DCP2: variants seen among roughly 807,000 people sequenced by gnomAD.
The protein encoded by DCP2 is m7GpppN-mRNA hydrolase.
DCP2 carries 30 observed loss-of-function variants against 56.1 expected under a neutral mutation model. That is an observed-to-expected ratio of 0.53 (90% CI 0.40 to 0.73). The LOEUF (loss-of-function observed/expected upper bound fraction) is 0.73. Among genes scored for constraint, DCP2 ranks in the 30% least tolerant of loss-of-function variants. The pLI is 0.00. For synonymous variants in DCP2, 197 were observed against 163.3 expected (o/e 1.21, Z -1.57); for missense variants, 533 against 502.7 (o/e 1.06, Z -0.58).
At position 113,001,086 on chromosome 5, in the gene DCP2, C is replaced by G; in HGVS notation, c.435C>G (p.Val145=). 1 of 1,596,198 alleles carries G rather than the reference C, an allele frequency of 6.3e-7. No homozygotes were observed. The highest frequency in any genetic ancestry group is 8.5e-7 in the Non-Finnish European group (1 of 1,172,538). ...EAPHDCAARE[V]FEETGFDIKD... Reference sequence around the variant, plus strand: ...TCATCCAAATTTGTTGTTTCCAGGTCTTTGAAGAAACTGGTTTTGATATCA... The same window carrying G: ...TCATCCAAATTTGTTGTTTCCAGGTGTTTGAAGAAACTGGTTTTGATATCA... Residue 145 remains valine (V), a splice_region_variant and synonymous_variant, in exon 5 of 11, where the codon GTC becomes GTG. Transcript: ENST00000389063.
chr5:112,991,008 A>T (rs942711285), intron 2 of DCP2, among the ~76,000 whole-genome samples: 7 of 152,080 alleles, frequency 4.6e-5, no homozygotes, highest in African/African-American at 7.2e-5. Context: ...GTTATGAAAC[A>T]TTCCTTTCTA....
chr5:112,995,432 AT>A (rs1294153432), intron 4 of DCP2, among the ~76,000 whole-genome samples: 1 of 152,200 alleles, frequency 6.6e-6, no homozygotes, highest in African/African-American at 2.4e-5. Context: ...AGAGGAATTG[AT>A]TGTAGCTCTG....
chr5:113,005,651 G>A (rs1561701954), intron 8 of DCP2, among the ~76,000 whole-genome samples: 1 of 152,106 alleles, frequency 6.6e-6, no homozygotes, highest in African/African-American at 2.4e-5. Context: ...TCCATTCCTA[G>A]GTAATATCCA....
In DCP2 at chr5:112,989,090, C is replaced by T. The variant is rs74996628; in HGVS notation, c.206-3031C>T. ...CCTTATGCAGTGAAGAGAGTAGACT[C>T]AGTATCTTCAAGAAGATGAGAAAAG... On this transcript the variant is annotated intron_variant, in intron 2 of 10. Coordinates refer to ENST00000389063, the MANE Select transcript of DCP2 (RefSeq NM_152624.6). 7.6e-3 allele frequency among the ~76,000 whole-genome samples: 1,150 copies of T among 152,240 alleles called. 11 individuals are homozygous for T. The highest frequency in any genetic ancestry group is 0.027 in the African/African-American group (1,113 of 41,522).
At chr5:112,992,330 T>A in intron 3 of DCP2, 82 bp downstream of exon 3, 1 of 1,501,782 alleles carries the variant, frequency 6.7e-7, no homozygotes, top group Non-Finnish European at 8.9e-7. Context: ...GTAGTGTTTC[T>A]AAATTGAGGT....
chr5:112,985,949 A>C lies in DCP2; in HGVS notation c.168A>C (p.Gly56=). Residue 56 remains glycine (G), a synonymous_variant, in exon 2 of 11, where the codon GGA becomes GGC. Transcript: ENST00000389063. ...ATTTCTACATGCAGAACACACCAGG[A>C]TTACCTCAGTGTGGGATAAGAGACT... is the stretch of plus-strand genomic sequence containing the variant. The part of the protein sequence containing the change: ...YLDFYMQNTP[G]LPQCGIRDFA... 1 of 1,592,858 alleles carries C rather than the reference A, an allele frequency of 6.3e-7. No individual in the cohort carries two copies. Among genetic ancestry groups the C allele is most frequent in the Non-Finnish European group, 8.6e-7 (1 of 1,163,888 alleles).
chr5:113,000,424 A>ACACACC (rs1408266617), intron 4 of DCP2, among the ~76,000 whole-genome samples: 2 of 137,440 alleles, frequency 1.5e-5, no homozygotes, highest in African/African-American at 5.3e-5. Flanking sequence ...ACACACACAC[A>ACACACC]CCCACACACC....
At chr5:112,984,703 A>AAAAAATATAT in intron 1 of DCP2, 32 of 64,846 alleles carry the variant, frequency 4.9e-4, no homozygotes, top group African/African-American at 2.5e-3. Context: ...AAAAAAAAAA[A>AAAAAATATAT]ATATATATAT....
intron 1 of DCP2, among the ~76,000 whole-genome samples, chr5:112,985,086 A>G (rs997896011): frequency 6.6e-6 from 1 of 152,152 alleles, no homozygotes; most frequent in African/African-American, 2.4e-5. Flanking sequence ...AGGATTACCA[A>G]AAATGCTTAA....
At chr5:113,004,984 G>C (rs1749350457) in intron 8 of DCP2, among the ~76,000 whole-genome samples, 1 of 151,946 alleles carries the variant, frequency 6.6e-6, no homozygotes, top group Non-Finnish European at 1.5e-5. Context: ...AATTAGCTGG[G>C]CGTGGTGGCG....
At chr5:112,982,189 A>G (rs1300724554) in intron 1 of DCP2, among the ~76,000 whole-genome samples, 1 of 132,940 alleles carries the variant, frequency 7.5e-6, no homozygotes, top group Non-Finnish European at 1.5e-5. Context: ...ACTCCTCTCT[A>G]ATATGTCCAA....
At chr5:112,987,194 A>G (rs996781478) in intron 2 of DCP2, among the ~76,000 whole-genome samples, 2 of 152,076 alleles carry the variant, frequency 1.3e-5, no homozygotes, top group Non-Finnish European at 2.9e-5. Context: ...TAGAATTTGG[A>G]AAAAAAAGTG....
Position 113,021,119 on chromosome 5 carries a change from C to T in DCP2, c.*7635C>T, listed in dbSNP as rs1417909553. On this transcript the variant is annotated 3_prime_UTR_variant, in exon 11 of 11. Transcript: ENST00000389063. ...GAAGAAGCTGGGCGCGGTGCTCATACCTGTAATCCCAGCACTTTGGGAGGC... is the reference window on the plus strand; with the variant it reads ...GAAGAAGCTGGGCGCGGTGCTCATATCTGTAATCCCAGCACTTTGGGAGGC... 2.0e-5 allele frequency: 3 copies of T among 152,124 alleles called. No homozygotes were observed. Among genetic ancestry groups the T allele is most frequent in the Non-Finnish European group, 4.4e-5 (3 of 68,038 alleles). 9.4% of individuals were successfully genotyped at this position (152,124 alleles called of 1,614,324 possible). A position where few individuals can be genotyped will look rare whatever the true frequency, so the allele number is the denominator to read the frequency against.
At chr5:112,977,130 T>A in intron 1 of DCP2, 144 bp downstream of exon 1, 2 of 556,836 alleles carry the variant, frequency 3.6e-6, no homozygotes, top group Non-Finnish European at 6.1e-6. Context: ...TCGTCGACCC[T>A]GCTCTCCGAC....
At chr5:112,987,203 T>TG (rs1748330641) in intron 2 of DCP2, among the ~76,000 whole-genome samples, 2 of 152,058 alleles carry the variant, frequency 1.3e-5, no homozygotes, top group South Asian at 4.1e-4. Flanking sequence ...GAAAAAAAAG[T>TG]GGAAATATTT....
At chr5:113,011,071 G>A (rs1368446697) in intron 10 of DCP2, among the ~76,000 whole-genome samples, 1 of 152,084 alleles carries the variant, frequency 6.6e-6, no homozygotes, top group African/African-American at 2.4e-5. Context: ...TTTTAAATAC[G>A]TAAATAATTG....
intron 10 of DCP2, among the ~76,000 whole-genome samples, chr5:113,012,086 A>G (rs985637199): frequency 6.6e-6 from 1 of 152,200 alleles, no homozygotes; most frequent in Admixed American, 6.5e-5. Flanking sequence ...TCTAGTTAAC[A>G]TATATTCAGA....
At chr5:113,005,823 A>G (rs1749404224) in intron 8 of DCP2, among the ~76,000 whole-genome samples, 1 of 152,254 alleles carries the variant, frequency 6.6e-6, no homozygotes, top group African/African-American at 2.4e-5. Flanking sequence ...TTCAGCTTTA[A>G]AGGAATGAAA....
intron 2 of DCP2, among the ~76,000 whole-genome samples, chr5:112,990,328 T>C (rs1748522850): frequency 1.3e-5 from 2 of 152,230 alleles, no homozygotes; most frequent in African/African-American, 4.8e-5. Context: ...TTCTCTTTTG[T>C]AAATTATGCA....
Sources: gnomAD v4.1 joint callset for allele counts (sites outside exome capture counted in the v4.1 genomes callset) on GRCh38, gnomAD v4.1.1 for gene constraint, MANE v1.5 for transcripts, NCBI Gene and HGNC (gene_info 2026-07-23, HGNC 2026-07-21) for gene names.